Variants in TMEM132B observed in about 807,000 individuals in gnomAD.
TMEM132B encodes transmembrane protein 132B.
A neutral mutation model predicts 90.8 loss-of-function variants in TMEM132B; 18 were observed. The observed-to-expected ratio is 0.20, with a 90% CI of 0.14 to 0.29. TMEM132B has a LOEUF of 0.29. Among genes scored for constraint, TMEM132B ranks in the 10% least tolerant of loss-of-function variants. The pLI is 1.00. For synonymous variants in TMEM132B, 504 were observed against 523.3 expected, an observed-to-expected ratio of 0.96 and a Z score of 0.50; for missense variants, 1,096 against 1,326.8, an observed-to-expected ratio of 0.83 and a Z score of 2.70.
intron 4 of TMEM132B, among the ~76,000 whole-genome samples, chr12:125,546,453 A>G (rs1884096798): frequency 6.6e-6 from 1 of 152,168 alleles, no homozygotes; most frequent in South Asian, 2.1e-4. Flanking sequence ...AAGTGCTGGG[A>G]TTACAGGCAT....
chr12:125,485,642 G>C (rs541411196), intron 3 of TMEM132B, among the ~76,000 whole-genome samples: 1 of 152,096 alleles, frequency 6.6e-6, no homozygotes, highest in Non-Finnish European at 1.5e-5. Context: ...CCCATACCGG[G>C]TATCTCATTT....
At chr12:125,609,665 A>C (rs1193505497) in intron 5 of TMEM132B, among the ~76,000 whole-genome samples, 1 of 151,238 alleles carries the variant, frequency 6.6e-6, no homozygotes, top group Non-Finnish European at 1.5e-5. Context: ...AAAATATAAA[A>C]AATTAGCCGG....
chr12:125,432,528 TAGAG>T lies in TMEM132B; in HGVS notation c.1106+16887_1106+16890del, dbSNP rs1163300235. On this transcript the variant is annotated intron_variant, in intron 3 of 8. Transcript: ENST00000682704. ...GTGTGTGTGTATATATATATATATA[TAGAG>T]AGAGAGAGAGAGAGAGAGAGAGAGA... Among the ~76,000 whole-genome samples the T allele has an allele frequency of 7.9e-4, 31 of 39,122 alleles. 7 individuals are homozygous for T. The South Asian group carries it at 8.3e-3, about 11-fold the overall frequency. 25.7% of individuals were successfully genotyped at this position (39,122 alleles called of 152,430 possible).
intron 4 of TMEM132B, among the ~76,000 whole-genome samples, chr12:125,573,635 C>T (rs947629752): frequency 2.0e-5 from 3 of 152,182 alleles, no homozygotes; most frequent in African/African-American, 7.2e-5. Context: ...GCCTGTCTGA[C>T]ACAGATCAGT....
At chr12:125,650,612 C>T in intron 6 of TMEM132B, 71 bp from the exon 7 acceptor site, 26 of 1,548,494 alleles carry the variant, frequency 1.7e-5, no homozygotes, top group Non-Finnish European at 2.3e-5. Context: ...CACCTAGAAT[C>T]TGAAAAACAA....
chr12:125,361,130 C>T (rs114921640), intron 2 of TMEM132B, among the ~76,000 whole-genome samples: 2,523 of 152,228 alleles, frequency 0.017, 27 homozygotes, highest in African/African-American at 0.02. Context: ...TACAGGGACA[C>T]GCCCGCTGCC....
At chr12:125,368,371 T>C (rs1235273114) in intron 2 of TMEM132B, among the ~76,000 whole-genome samples, 1 of 152,210 alleles carries the variant, frequency 6.6e-6, no homozygotes, top group Non-Finnish European at 1.5e-5. Context: ...TTCACTTTAA[T>C]TACATAATTA....
At chr12:125,456,952 T>C (rs1411280616) in intron 3 of TMEM132B, among the ~76,000 whole-genome samples, 2 of 152,200 alleles carry the variant, frequency 1.3e-5, no homozygotes, top group Admixed American at 1.3e-4. Flanking sequence ...TCCTTTGTGA[T>C]CTTCTCTTTC....
chr12:125,434,641 C>T (rs1040123694), intron 3 of TMEM132B, among the ~76,000 whole-genome samples: 3 of 152,196 alleles, frequency 2.0e-5, no homozygotes, highest in Non-Finnish European at 2.9e-5. Context: ...TCAGACGTCG[C>T]GTTCCATCGA....
chr12:125,402,175 A>ACTATCTATCTAT (rs369737347), intron 2 of TMEM132B, among the ~76,000 whole-genome samples: 102 of 152,194 alleles, frequency 6.7e-4, no homozygotes, highest in African/African-American at 2.4e-3. Flanking sequence ...TTGTTTACTT[A>ACTATCTATCTAT]CTATCTATCT....
At chr12:125,199,526 A>G (rs931731987) in intron 1 of TMEM132B, among the ~76,000 whole-genome samples, 4 of 152,138 alleles carry the variant, frequency 2.6e-5, no homozygotes, top group African/African-American at 4.8e-5. Flanking sequence ...TCTCTGGGGG[A>G]ACAAGGAAGC....
chr12:125,337,312 A>G (rs1876998386), intron 1 of TMEM132B, among the ~76,000 whole-genome samples: 1 of 152,136 alleles, frequency 6.6e-6, no homozygotes, highest in Non-Finnish European at 1.5e-5. Flanking sequence ...GCTTAACACA[A>G]TAAAAGATTG....
intron 1 of TMEM132B, among the ~76,000 whole-genome samples, chr12:125,216,199 A>G (rs955395014): frequency 4.6e-5 from 7 of 152,288 alleles, no homozygotes; most frequent in Admixed American, 4.6e-4. Context: ...TCAGGGTGCT[A>G]GCAAGGTCAG....
At position 125,459,395 on chromosome 12, in the gene TMEM132B, T is replaced by C. The variant is rs1881378774; in HGVS notation, c.1106+43718T>C. Among the ~76,000 whole-genome samples the C allele has an allele frequency of 1.3e-5, 2 of 152,148 alleles. No homozygotes were observed. The highest frequency in any genetic ancestry group is 2.1e-4 in the South Asian group (1 of 4,818). On this transcript the variant is annotated intron_variant, in intron 3 of 8. Transcript: ENST00000682704. The surrounding 1 kb of genome is among the most constrained non-coding windows in gnomAD (Gnocchi z 4.1). ...CTACCGAGAGAACTGGAGATCATCA[T>C]GCTAAATGAAATAAGCCAGACACAG...
intron 4 of TMEM132B, among the ~76,000 whole-genome samples, chr12:125,542,988 A>G (rs1232762590): frequency 6.6e-6 from 1 of 152,202 alleles, no homozygotes; most frequent in Non-Finnish European, 1.5e-5. Context: ...AGAAATGCAT[A>G]TTTCAGATCT....
chr12:125,400,827 T>C (rs1008841023), intron 2 of TMEM132B, among the ~76,000 whole-genome samples: 5 of 152,040 alleles, frequency 3.3e-5, no homozygotes, highest in South Asian at 2.1e-4. Context: ...TCAGAAAGGG[T>C]GTTGAACCTC....
At chr12:125,266,252 A>G (rs1203906274) in intron 1 of TMEM132B, among the ~76,000 whole-genome samples, 1 of 152,180 alleles carries the variant, frequency 6.6e-6, no homozygotes, top group East Asian at 1.9e-4. Flanking sequence ...TTAAAAAATT[A>G]AACCCCAGAC....
rs180795682 is a variant in TMEM132B, at chr12:125,572,916, T to A, written c.1294-10935T>A. On this transcript the variant is annotated intron_variant, in intron 4 of 8. Coordinates refer to ENST00000682704, the MANE Select transcript of TMEM132B (RefSeq NM_001366854.1). The stretch of plus-strand genomic sequence containing the variant: ...TATTCTACAGATTATAATTGACTAC[T>A]GTGATTATTTACTGTGATGCTAAAA... 2.0e-5 allele frequency among the ~76,000 whole-genome samples: 3 copies of A among 152,352 alleles called. No individual in the cohort carries two copies. In the East Asian group the frequency reaches 5.8e-4, roughly 29 times the overall value.
intron 1 of TMEM132B, among the ~76,000 whole-genome samples, chr12:125,216,066 C>T (rs879812719): frequency 9.2e-5 from 14 of 152,230 alleles, no homozygotes; most frequent in Non-Finnish European, 1.8e-4. Flanking sequence ...TTGGGCATCC[C>T]TGGAGGCCTT....
Sources: gnomAD v4.1 joint callset for allele counts (sites outside exome capture counted in the v4.1 genomes callset) on GRCh38, gnomAD v4.1.1 for gene constraint, Gnocchi (gnomAD v3.1) non-coding constraint, MANE v1.5 for transcripts, NCBI Gene and HGNC (gene_info 2026-07-23, HGNC 2026-07-21) for gene names.